The following VPS13C variants were observed in gnomAD, a reference collection of about 807,000 sequenced individuals.
VPS13C encodes intermembrane lipid transfer protein VPS13C.
In VPS13C, 358 loss-of-function variants were observed where a neutral mutation model predicts 456.8. The observed-to-expected ratio is 0.78, with a 90% CI of 0.72 to 0.86. The LOEUF (loss-of-function observed/expected upper bound fraction) is 0.86. Among genes scored for constraint, VPS13C ranks in the 40% least tolerant of loss-of-function variants. The pLI is 0.00. For synonymous variants in VPS13C, 1,578 were observed against 1,486.7 expected, an observed-to-expected ratio of 1.06 and a Z score of -1.41; for missense variants, 4,818 against 4,385.4, an observed-to-expected ratio of 1.10 and a Z score of -2.79.
At chr15:61,894,464 C>A (rs895022756) in intron 66 of VPS13C, among the ~76,000 whole-genome samples, 3 of 151,574 alleles carry the variant, frequency 2.0e-5, no homozygotes, top group Non-Finnish European at 1.5e-5. Flanking sequence ...TATGGCCCAA[C>A]TATATGTTGT....
chr15:61,922,533 A>G lies in VPS13C; in HGVS notation c.6839T>C (p.Val2280Ala), dbSNP rs1190622606. The G allele has an allele frequency of 1.2e-6, 2 of 1,614,114 alleles. No homozygotes were observed. Among genetic ancestry groups the G allele is most frequent in the South Asian group, 1.1e-5 (1 of 91,082 alleles). The change falls in exon 54 of 85, where the codon GTA (valine) becomes GCA (alanine). Residue 2280 changes from valine to alanine, a missense_variant. Physicochemically the swap from Val to Ala is moderately conservative, Grantham distance 64. Transcript: ENST00000644861. ...SLIEENCGVV[V>A]ESIQVTLECG... Reference sequence around the variant, plus strand: ...TTCTAAGGTAACTTGAATGGATTCTACAACAACACCACAATTTTCCTCTAT... The same window carrying G: ...TTCTAAGGTAACTTGAATGGATTCTGCAACAACACCACAATTTTCCTCTAT...
At position 61,991,741 on chromosome 15, in the gene VPS13C, C is replaced by T. The variant is rs767303773; in HGVS notation, c.1415G>A (p.Gly472Asp). The T allele has an allele frequency of 6.2e-7, 1 of 1,613,578 alleles. No individual in the cohort carries two copies. Among genetic ancestry groups the T allele is most frequent in the East Asian group, 2.2e-5 (1 of 44,860 alleles). Residue 472 changes from glycine to aspartate, a missense_variant, in exon 17 of 85, where the codon GGC (glycine) becomes GAC (aspartate). Gly to Asp is a moderately conservative substitution (Grantham distance 94). This residue lies in a region of VPS13C where 4,552 missense variants were observed against 4,130.6 expected (regional missense o/e 1.10). Transcript: ENST00000644861. ...KSADTGEKRG[G>D]WFSGLWGKKE... ...CTTACCCCACAACCCACTAAACCAGCCTCCACGTTTCTCGCCTGTGTCAGC... is the reference window on the plus strand; with the variant it reads ...CTTACCCCACAACCCACTAAACCAGTCTCCACGTTTCTCGCCTGTGTCAGC...
Position 62,010,471 on chromosome 15 carries a change from C to A in VPS13C, c.1011+1G>T, listed in dbSNP as rs1273095751. The A allele has an allele frequency of 5.0e-6, 8 of 1,600,646 alleles. No homozygotes were observed. Among genetic ancestry groups the A allele is most frequent in the Non-Finnish European group, 6.0e-6 (7 of 1,174,586 alleles). On this transcript the variant is annotated splice_donor_variant, in intron 13 of 84. Coordinates refer to ENST00000644861, the MANE Select transcript of VPS13C (RefSeq NM_020821.3). LOFTEE classifies it high-confidence loss of function. ...GCTGGAAATATCCACATGAATCATA[C>A]CTGAGGTTTGGTCAGTTCAATGGCA...
chr15:61,954,179 A>C (rs1415278818), intron 38 of VPS13C, among the ~76,000 whole-genome samples: 1 of 152,190 alleles, frequency 6.6e-6, no homozygotes, highest in Non-Finnish European at 1.5e-5. Context: ...AGCAAGTGAC[A>C]TTCCAACTGT....
At chr15:62,037,057 A>G (rs2048024625) in intron 3 of VPS13C, among the ~76,000 whole-genome samples, 1 of 148,208 alleles carries the variant, frequency 6.7e-6, no homozygotes, top group Admixed American at 6.9e-5. Flanking sequence ...AGGGTCTCTC[A>G]TAACTCAATG....
At chr15:61,936,520 A>G in intron 48 of VPS13C, 77 bp downstream of exon 48, 1 of 1,389,698 alleles carries the variant, frequency 7.2e-7, no homozygotes, top group Non-Finnish European at 9.5e-7. Context: ...TGTGCTGGAC[A>G]GCTAGAAAAA....
chr15:62,005,370 G>A (rs1309355634), intron 15 of VPS13C, among the ~76,000 whole-genome samples: 1 of 152,092 alleles, frequency 6.6e-6, no homozygotes, highest in Non-Finnish European at 1.5e-5. Flanking sequence ...CATTTGCTTG[G>A]TAGATCTTCC....
rs1277698380 is a variant in VPS13C, at chr15:61,947,198, A to G, written c.4871T>C (p.Ile1624Thr). 1 of 1,568,748 alleles carries G rather than the reference A, an allele frequency of 6.4e-7. No individual in the cohort carries two copies. Among genetic ancestry groups the G allele is most frequent in the Non-Finnish European group, 8.6e-7 (1 of 1,157,642 alleles). Residue 1624 changes from isoleucine (I) to threonine (T), a missense_variant, in exon 43 of 85, where the codon ATA (isoleucine) becomes ACA (threonine). By Grantham distance (89) the Ile-to-Thr change is moderately conservative. Coordinates refer to ENST00000644861, the MANE Select transcript of VPS13C (RefSeq NM_020821.3). ...AACAAGAAGTAACTACTTACCATGT[A>G]TTTTAATATCTGCAATGTTACACTT... ...DQKCNIADIK[I>T]HGMDASISVK...
In VPS13C at chr15:61,972,605, A is replaced by G. The variant is rs2045588672; in HGVS notation, c.2757+20T>C. ...AGTGACAGCCAGAATATATCTATTT[A>G]TAGACAAAAAAGCACATACTTCTTT... On this transcript the variant is annotated intron_variant, in intron 27 of 84. Transcript: ENST00000644861. The G allele has an allele frequency of 1.2e-6, 2 of 1,609,814 alleles. No homozygotes were observed. Among genetic ancestry groups the G allele is most frequent in the Admixed American group, 3.4e-5 (2 of 59,580 alleles).
In VPS13C at chr15:61,984,969, C is replaced by T; in HGVS notation, c.1609G>A (p.Val537Ile). The stretch of plus-strand genomic sequence containing the variant: ...TCTCTTATCGTAACAGAGGTGCTTA[C>T]TAACTTCAGGGTCATAATATGGGCA... ...YVAHIMTLKLVSTSVTIRENK... is the reference protein window; with the variant it reads ...YVAHIMTLKLISTSVTIRENK... The change falls in exon 19 of 85, where the codon GTA (valine) becomes ATA (isoleucine). Residue 537 changes from valine to isoleucine, a missense_variant. This residue lies in a region of VPS13C where 4,552 missense variants were observed against 4,130.6 expected (regional missense o/e 1.10). Coordinates refer to ENST00000644861, the MANE Select transcript of VPS13C (RefSeq NM_020821.3). 6.2e-7 allele frequency: 1 copy of T among 1,600,274 alleles called. No individual in the cohort carries two copies. The highest frequency in any genetic ancestry group is 8.5e-7 in the Non-Finnish European group (1 of 1,174,690).
At chr15:61,857,612 C>G (rs960775527) in intron 82 of VPS13C, among the ~76,000 whole-genome samples, 2 of 152,106 alleles carry the variant, frequency 1.3e-5, no homozygotes, top group African/African-American at 4.8e-5. Flanking sequence ...TGATAATGTT[C>G]TTTCACTTTT....
At position 61,915,667 on chromosome 15, in the gene VPS13C, G is replaced by C; in HGVS notation, c.8411C>G (p.Ser2804Cys). Residue 2804 changes from serine (S) to cysteine (C), a missense_variant, in exon 61 of 85, where the codon TCT becomes TGT. Physicochemically the swap from Ser to Cys is moderately radical, Grantham distance 112 (BLOSUM62 -1). Coordinates refer to ENST00000644861, the MANE Select transcript of VPS13C (RefSeq NM_020821.3). ...PADFRDIILF[S>C]FKKKNIFTKN... ...AGTAAAAATGTTCTTCTTCTTGAAAGAAAATAAAATAATATCCCTGAAATC... is the reference window on the plus strand; with the variant it reads ...AGTAAAAATGTTCTTCTTCTTGAAACAAAATAAAATAATATCCCTGAAATC... The C allele has an allele frequency of 6.2e-7, 1 of 1,601,880 alleles. No homozygotes were observed. Among genetic ancestry groups the C allele is most frequent in the Non-Finnish European group, 8.5e-7 (1 of 1,176,698 alleles).
intron 9 of VPS13C, among the ~76,000 whole-genome samples, chr15:62,017,611 T>C (rs1370841425): frequency 6.6e-6 from 1 of 152,210 alleles, no homozygotes; most frequent in Admixed American, 6.5e-5. Context: ...TGTGGTATTA[T>C]TTCTGAGGGC....
At chr15:62,009,064 T>A (rs1183427768) in intron 13 of VPS13C, among the ~76,000 whole-genome samples, 1 of 152,188 alleles carries the variant, frequency 6.6e-6, no homozygotes, top group Non-Finnish European at 1.5e-5. Flanking sequence ...TATTTTCAAA[T>A]GTTAAAATGC....
rs1414727482 is a variant in VPS13C at position 61,917,449 on chromosome 15, G to C, written c.7947C>G (p.Ser2649Arg). 1 of 1,614,012 alleles carries C rather than the reference G, an allele frequency of 6.2e-7. No individual in the cohort carries two copies. Residue 2649 changes from serine (S) to arginine (R), a missense_variant, in exon 60 of 85, where the codon AGC (serine) becomes AGG (arginine). Ser to Arg is a moderately radical substitution (Grantham distance 110). Transcript: ENST00000644861. The stretch of plus-strand genomic sequence containing the variant: ...AGTCTTCCCCATGTGTACATATGTA[G>C]CTCAATTCATCAGGCAGAGCAACTG... ...VNTVALPDEL[S>R]YICTHGEDWD...
At chr15:61,965,019 G>A (rs1260796355) in intron 30 of VPS13C, among the ~76,000 whole-genome samples, 158 bp from the exon 31 acceptor site, 1 of 151,872 alleles carries the variant, frequency 6.6e-6, no homozygotes, top group Admixed American at 6.6e-5. Flanking sequence ...CCCTTAAAAA[G>A]GGAATATACA....
chr15:62,031,125 C>A (rs1016173416), intron 5 of VPS13C, among the ~76,000 whole-genome samples: 1 of 151,982 alleles, frequency 6.6e-6, no homozygotes. Context: ...TAAAAATGAA[C>A]TCATAGTTTT....
chr15:62,018,590 T>G (rs2047342767), intron 9 of VPS13C, among the ~76,000 whole-genome samples: 1 of 151,888 alleles, frequency 6.6e-6, no homozygotes, highest in African/African-American at 2.4e-5. Context: ...GGATTACATT[T>G]ATTGATTTGC....
chr15:61,890,349 A>C lies in VPS13C; in HGVS notation c.9157T>G (p.Ser3053Ala). ...YDANIQIHWV[S>A]FLDGRQRVLL... ...ACTCTCTGGCGCCCATCCAGAAATGATACCCAGTGTATCTGGATGTTTGCA... is the reference window on the plus strand; with the variant it reads ...ACTCTCTGGCGCCCATCCAGAAATGCTACCCAGTGTATCTGGATGTTTGCA... Residue 3053 changes from serine (S) to alanine (A), a missense_variant, in exon 67 of 85, where the codon TCA becomes GCA. Transcript: ENST00000644861. The C allele has an allele frequency of 6.2e-7, 1 of 1,614,092 alleles. No individual in the cohort carries two copies. Among genetic ancestry groups the C allele is most frequent in the South Asian group, 1.1e-5 (1 of 91,060 alleles).
Sources: allele counts gnomAD v4.1 joint callset (sites outside exome capture counted in the v4.1 genomes callset), GRCh38; gene constraint gnomAD v4.1.1; regional missense constraint gnomAD v4.1.1; transcripts MANE v1.5; gene names NCBI Gene and HGNC (gene_info 2026-07-23, HGNC 2026-07-21).